AP1AR: variants seen among roughly 807,000 people sequenced by gnomAD.
The protein encoded by AP1AR is adaptor related protein complex 1 associated regulatory protein.
In AP1AR, 29 loss-of-function variants were observed where a neutral mutation model predicts 46.3. That is an observed-to-expected ratio of 0.63 (90% confidence interval 0.47 to 0.85). The LOEUF is 0.85. AP1AR is among the 40% of genes least tolerant of loss of function. The pLI is 0.00. For missense variants in AP1AR, 357 were observed against 356.3 expected (o/e 1.00, Z -0.02); for synonymous variants, 122 against 122.9 (o/e 0.99, Z 0.05).
In AP1AR at chr4:112,231,851, T is replaced by G. The variant is rs1295991660; in HGVS notation, c.-241T>G. 1 of 384,156 alleles carries G rather than the reference T, an allele frequency of 2.6e-6. No homozygotes were observed. The highest frequency in any genetic ancestry group is 4.6e-6 in the Non-Finnish European group (1 of 216,642). The allele number at this position is 384,156 out of a possible 1,614,324, so 23.8% of individuals were successfully genotyped here. On this transcript the variant is annotated 5_prime_UTR_variant, in exon 1 of 10. Coordinates refer to ENST00000274000, the MANE Select transcript of AP1AR (RefSeq NM_018569.6). Reference sequence around the variant, plus strand: ...CGGACGGCGAGGGAGTCCAGAGCCTTGAGCCCGGTGCTCCTCCCTCGCGCA... The same window carrying G: ...CGGACGGCGAGGGAGTCCAGAGCCTGGAGCCCGGTGCTCCTCCCTCGCGCA...
rs182390571 is a variant in AP1AR at position 112,253,877 on chromosome 4, C to T, written c.132+621C>T. Among the ~76,000 whole-genome samples the T allele has an allele frequency of 6.6e-5, 10 of 152,252 alleles. No homozygotes were observed. The East Asian group carries it at 1.7e-3, about 26-fold the overall frequency. Reference sequence around the variant, plus strand: ...TAGTCCAAACTGCCTGGCTTCAAAGCTGGAACACTGTACTTTATGGCCTTC... The same window carrying T: ...TAGTCCAAACTGCCTGGCTTCAAAGTTGGAACACTGTACTTTATGGCCTTC... On this transcript the variant is annotated intron_variant, in intron 2 of 9. Coordinates refer to ENST00000274000, the MANE Select transcript of AP1AR (RefSeq NM_018569.6).
At chr4:112,245,142 A>T (rs1250461897) in intron 1 of AP1AR, among the ~76,000 whole-genome samples, 1 of 152,132 alleles carries the variant, frequency 6.6e-6, no homozygotes, top group Non-Finnish European at 1.5e-5. Flanking sequence ...TTAACTTTAA[A>T]TGTCACCAGA....
At chr4:112,255,154 T>C (rs1291547305) in intron 3 of AP1AR, among the ~76,000 whole-genome samples, 1 of 151,948 alleles carries the variant, frequency 6.6e-6, no homozygotes, top group Non-Finnish European at 1.5e-5. Context: ...AGAGACGGGG[T>C]TTCACCATGT....
Position 112,272,917 on chromosome 4 carries a change from A to C in AP1AR, c.*4508A>C, listed in dbSNP as rs1035650270. ...AACTATGTAAACATGTCCTAATCAT[A>C]ATTTCTTGAGAATACAGACATCTAA... is the stretch of plus-strand genomic sequence containing the variant. On this transcript the variant is annotated 3_prime_UTR_variant, in exon 10 of 10. Coordinates refer to ENST00000274000, the MANE Select transcript of AP1AR (RefSeq NM_018569.6). 9 of 152,118 alleles carry C rather than the reference A, an allele frequency of 5.9e-5. No homozygotes were observed. Among genetic ancestry groups the C allele is most frequent in the Admixed American group, 5.2e-4 (8 of 15,256 alleles). 9.4% of individuals were successfully genotyped at this position (152,118 alleles called of 1,614,324 possible). A position where few individuals can be genotyped will look rare whatever the true frequency, so the allele number is the denominator to read the frequency against.
intron 1 of AP1AR, among the ~76,000 whole-genome samples, chr4:112,249,160 G>A (rs1010904122): frequency 2.6e-5 from 4 of 152,108 alleles, no homozygotes; most frequent in Non-Finnish European, 5.9e-5. Flanking sequence ...GGGGCGTGGT[G>A]GTGCATGCCT....
chr4:112,238,937 A>G (rs1399888264), intron 1 of AP1AR, among the ~76,000 whole-genome samples: 2 of 151,874 alleles, frequency 1.3e-5, no homozygotes, highest in African/African-American at 2.4e-5. Context: ...TTCGTTCCCT[A>G]CCTTGTGAGT....
In AP1AR at chr4:112,249,995, C is replaced by T. The variant is rs116040039; in HGVS notation, c.84-3213C>T. On this transcript the variant is annotated intron_variant, in intron 1 of 9. Coordinates refer to ENST00000274000, the MANE Select transcript of AP1AR (RefSeq NM_018569.6). ...GGCAGGACCTTTATCTGTTTGTTGA[C>T]AGTTGTATTGCCAGCATCTAGAACA... Among the ~76,000 whole-genome samples the T allele has an allele frequency of 8.3e-3, 1,267 of 152,282 alleles. 11 individuals are homozygous for T. The highest frequency in any genetic ancestry group is 0.012 in the Admixed American group (189 of 15,298).
At chr4:112,261,039 A>T (rs1363935435) in intron 5 of AP1AR, among the ~76,000 whole-genome samples, 177 bp downstream of exon 5, 1 of 152,222 alleles carries the variant, frequency 6.6e-6, no homozygotes, top group African/African-American at 2.4e-5. Flanking sequence ...GGCTTAATTT[A>T]TCAGAAATCA....
chr4:112,231,971 C>A lies in AP1AR; in HGVS notation c.-121C>A. The A allele has an allele frequency of 1.1e-6, 1 of 929,644 alleles. No individual in the cohort carries two copies. Among genetic ancestry groups the A allele is most frequent in the South Asian group, 3.9e-5 (1 of 25,626 alleles). 57.6% of individuals were successfully genotyped at this position (929,644 alleles called of 1,614,324 possible). A position where few individuals can be genotyped will look rare whatever the true frequency, so the allele number is the denominator to read the frequency against. On this transcript the variant is annotated 5_prime_UTR_variant, in exon 1 of 10. Coordinates refer to ENST00000274000, the MANE Select transcript of AP1AR (RefSeq NM_018569.6). The stretch of plus-strand genomic sequence containing the variant: ...TGCCCTCACGCCGCCGGGCTCTGGC[C>A]GGCCCGCCCTCGGTCCTTGAACCCC...
In AP1AR at chr4:112,269,163, T is replaced by A. The variant is rs1222446219; in HGVS notation, c.*754T>A. 2 of 151,816 alleles carry A rather than the reference T, an allele frequency of 1.3e-5. No homozygotes were observed. The highest frequency in any genetic ancestry group is 1.5e-5 in the Non-Finnish European group (1 of 67,720). 9.4% of individuals were successfully genotyped at this position (151,816 alleles called of 1,614,324 possible). The stretch of plus-strand genomic sequence containing the variant: ...GCCACTATATTGACTTTAATTGATA[T>A]ACAGTATTAAGTTTTTAGGTGCCAT... On this transcript the variant is annotated 3_prime_UTR_variant, in exon 10 of 10. Transcript: ENST00000274000.
At position 112,232,110 on chromosome 4, in the gene AP1AR, A is replaced by G; in HGVS notation, c.19A>G (p.Thr7Ala). ...GCATGCGATGGGGAACTGCTGCTGG[A>G]CGCAGTGCTTCGGACTGCTTCGCAA... MGNCCW[T>A]QCFGLLRKEA... Residue 7 changes from threonine (T) to alanine (A), a missense_variant, in exon 1 of 10, where the codon ACG (threonine) becomes GCG (alanine). This residue lies in a region of AP1AR where 269 missense variants were observed against 223.6 expected (regional missense o/e 1.20). Transcript: ENST00000274000. 5 of 1,335,296 alleles carry G rather than the reference A, an allele frequency of 3.7e-6. No homozygotes were observed. Among genetic ancestry groups the G allele is most frequent in the Non-Finnish European group, 4.8e-6 (5 of 1,035,422 alleles). 82.7% of individuals were successfully genotyped at this position (1,335,296 alleles called of 1,614,324 possible).
chr4:112,245,266 A>G (rs964915001), intron 1 of AP1AR, among the ~76,000 whole-genome samples: 2 of 152,180 alleles, frequency 1.3e-5, no homozygotes, highest in Non-Finnish European at 2.9e-5. Flanking sequence ...AGAATGCTCT[A>G]AAAGCATATA....
intron 1 of AP1AR, among the ~76,000 whole-genome samples, chr4:112,237,083 G>A (rs1362945863): frequency 2.0e-5 from 3 of 152,130 alleles, no homozygotes; most frequent in South Asian, 2.1e-4. Context: ...GACTGTGCTT[G>A]TTCTTGTTTT....
intron 1 of AP1AR, among the ~76,000 whole-genome samples, chr4:112,234,386 T>C (rs1338866721): frequency 6.6e-6 from 1 of 152,178 alleles, no homozygotes; most frequent in Non-Finnish European, 1.5e-5. Context: ...TGTGGTTGGA[T>C]TTTTACTGTT....
At position 112,272,394 on chromosome 4, in the gene AP1AR, C is replaced by T. The variant is rs951726033; in HGVS notation, c.*3985C>T. On this transcript the variant is annotated 3_prime_UTR_variant, in exon 10 of 10. Transcript: ENST00000274000. ...TCCTCTGGGGGCATGACCAGACATG[C>T]GCAGTAAGGGGCAAAATGACAGAGT... Among the ~76,000 whole-genome samples, 11 of 152,034 alleles carry T rather than the reference C, an allele frequency of 7.2e-5. No homozygotes were observed. Among genetic ancestry groups the T allele is most frequent in the Non-Finnish European group, 8.8e-5 (6 of 68,004 alleles).
chr4:112,232,187 G>A lies in AP1AR; in HGVS notation c.83+13G>A, dbSNP rs1374566136. 3 of 1,270,080 alleles carry A rather than the reference G, an allele frequency of 2.4e-6. No homozygotes were observed. Among genetic ancestry groups the A allele is most frequent in the African/African-American group, 3.1e-5 (2 of 64,580 alleles). The allele number at this position is 1,270,080 out of a possible 1,614,324, so 78.7% of individuals were successfully genotyped here. ...GCGGCGGCGGAGGGTAAGCCCGCTGGGGGAGGGGCCCGGCCCCCGTGGCTC... is the reference window on the plus strand; with the variant it reads ...GCGGCGGCGGAGGGTAAGCCCGCTGAGGGAGGGGCCCGGCCCCCGTGGCTC... On this transcript the variant is annotated intron_variant, in intron 1 of 9. Transcript: ENST00000274000.
intron 1 of AP1AR, among the ~76,000 whole-genome samples, chr4:112,233,708 GTC>G (rs1459703429): frequency 6.6e-6 from 1 of 152,140 alleles, no homozygotes; most frequent in Non-Finnish European, 1.5e-5. Context: ...TTTTCATGGG[GTC>G]TCCGTAGAGT....
intron 1 of AP1AR, among the ~76,000 whole-genome samples, chr4:112,240,629 C>G (rs185279317): frequency 1.6e-3 from 236 of 152,242 alleles, no homozygotes; most frequent in African/African-American, 5.3e-3. Context: ...TCCCCCTTGC[C>G]TTTGGTACCT....
chr4:112,254,368 A>G lies in AP1AR; in HGVS notation c.133-379A>G, dbSNP rs541536934. Among the ~76,000 whole-genome samples, 16 of 152,332 alleles carry G rather than the reference A, an allele frequency of 1.1e-4. No individual in the cohort carries two copies. The South Asian group carries it at 1.2e-3, about 12-fold the overall frequency. Reference sequence around the variant, plus strand: ...GTATCTTTTAGTCCCCATTCCTTGAATAATTTTCCTTCTTACAACATTTGT... The same window carrying G: ...GTATCTTTTAGTCCCCATTCCTTGAGTAATTTTCCTTCTTACAACATTTGT... On this transcript the variant is annotated intron_variant, in intron 2 of 9. Transcript: ENST00000274000.
Sources: gnomAD v4.1 joint callset for allele counts (sites outside exome capture counted in the v4.1 genomes callset) on GRCh38, gnomAD v4.1.1 for gene constraint, gnomAD v4.1.1 regional missense constraint, MANE v1.5 for transcripts, NCBI Gene and HGNC (gene_info 2026-07-23, HGNC 2026-07-21) for gene names.